ZNF561: variants seen among roughly 807,000 people sequenced by gnomAD.
The protein encoded by ZNF561 is zinc finger protein 561.
ZNF561 carries 16 observed loss-of-function variants against 16.7 expected under a neutral mutation model. The ratio of observed to expected loss-of-function variants is 0.96; its 90% confidence interval spans 0.65 to 1.45. ZNF561 has a LOEUF of 1.45. ZNF561 is among the 40% of genes most tolerant of loss of function. ZNF561 has a pLI of 0.00. For synonymous variants in ZNF561, 190 were observed against 192.1 expected (o/e 0.99, Z 0.09); for missense variants, 580 against 578.0 (o/e 1.00, Z -0.04).
At chr19:9,612,191 G>A (rs1482046281) in intron 5 of ZNF561, among the ~76,000 whole-genome samples, 2 of 151,868 alleles carry the variant, frequency 1.3e-5, no homozygotes, top group South Asian at 4.2e-4. Flanking sequence ...GCCTCCCAAA[G>A]TGCTGAGATT....
At chr19:9,619,906 T>TC (rs1159491045) in intron 1 of ZNF561, among the ~76,000 whole-genome samples, 18 of 144,194 alleles carry the variant, frequency 1.2e-4, no homozygotes, top group African/African-American at 3.6e-4. Flanking sequence ...TCTATATCTA[T>TC]CTATCTATAT....
intron 1 of ZNF561, among the ~76,000 whole-genome samples, chr19:9,620,131 C>T (rs755603694): frequency 2.0e-5 from 3 of 152,014 alleles, no homozygotes; most frequent in Admixed American, 6.6e-5. Context: ...ACTCTGTTGC[C>T]CAGGCTGGAA....
intron 5 of ZNF561, among the ~76,000 whole-genome samples, chr19:9,612,035 C>G (rs1371159884): frequency 2.0e-5 from 3 of 152,076 alleles, no homozygotes; most frequent in Non-Finnish European, 4.4e-5. Context: ...TCAAGTGATT[C>G]TCCTGCCTCA....
At chr19:9,617,933 G>A (rs1462256989) in intron 3 of ZNF561, 158 bp downstream of exon 3, 9 of 680,214 alleles carry the variant, frequency 1.3e-5, no homozygotes, top group Admixed American at 6.7e-5. Context: ...ATGTATAGGA[G>A]ACTTCATTCC....
rs2074417286 is a variant in ZNF561, at chr19:9,610,067, T to G, written c.*133A>C. The G allele has an allele frequency of 2.3e-5, 18 of 777,018 alleles. No individual in the cohort carries two copies. Among genetic ancestry groups the G allele is most frequent in the Non-Finnish European group, 3.6e-5 (18 of 502,290 alleles). 48.1% of individuals were successfully genotyped at this position (777,018 alleles called of 1,614,324 possible). The stretch of plus-strand genomic sequence containing the variant: ...ACCATGATGTTGTATTCAGAACCTG[T>G]AGGTTTAATTTCAGACCCTCAGGAT... On this transcript the variant is annotated 3_prime_UTR_variant, in exon 6 of 6. Coordinates refer to ENST00000302851, the MANE Select transcript of ZNF561 (RefSeq NM_152289.3).
chr19:9,619,849 A>G (rs142233881), intron 1 of ZNF561, among the ~76,000 whole-genome samples: 2 of 91,292 alleles, frequency 2.2e-5, no homozygotes, highest in East Asian at 3.9e-4. Flanking sequence ...CTATCTATCT[A>G]TATCTATCTA....
rs2074417318 is a variant in ZNF561, at chr19:9,610,074, A to G, written c.*126T>C. ...TGTTGTATTCAGAACCTGTAGGTTT[A>G]ATTTCAGACCCTCAGGATGGTATCT... is the stretch of plus-strand genomic sequence containing the variant. On this transcript the variant is annotated 3_prime_UTR_variant, in exon 6 of 6. Coordinates refer to ENST00000302851, the MANE Select transcript of ZNF561 (RefSeq NM_152289.3). 5 of 840,444 alleles carry G rather than the reference A, an allele frequency of 5.9e-6. No individual in the cohort carries two copies. The Admixed American group carries it at 1.2e-4, about 20-fold the overall frequency. 52.1% of individuals were successfully genotyped at this position (840,444 alleles called of 1,614,324 possible).
In ZNF561 at chr19:9,619,569, G is replaced by C. The variant is rs2074621731; in HGVS notation, c.-113C>G. Reference sequence around the variant, plus strand: ...GCAATCTCCATTCCTCTTTGTACAGGGTTATTTGCGGTCCTGTTCATATCA... The same window carrying C: ...GCAATCTCCATTCCTCTTTGTACAGCGTTATTTGCGGTCCTGTTCATATCA... On this transcript the variant is annotated 5_prime_UTR_variant, in exon 2 of 6. Transcript: ENST00000302851. 1 of 1,000,452 alleles carries C rather than the reference G, an allele frequency of 1.0e-6. No homozygotes were observed. The highest frequency in any genetic ancestry group is 1.5e-6 in the Non-Finnish European group (1 of 655,942). 62.0% of individuals were successfully genotyped at this position (1,000,452 alleles called of 1,614,324 possible).
At position 9,610,535 on chromosome 19, in the gene ZNF561, T is replaced by C. The variant is rs150855479; in HGVS notation, c.1126A>G (p.Thr376Ala). Residue 376 changes from threonine (T) to alanine (A), a missense_variant, in exon 6 of 6, where the codon ACA becomes GCA. Transcript: ENST00000302851. ...QCKECGKAFT[T>A]STSLIQHTRI... is the part of the protein sequence containing the mutation. The stretch of plus-strand genomic sequence containing the variant: ...GTATGCTGAATAAGACTTGTGGATG[T>C]AGTGAAGGCTTTCCCACATTCCTTA... 103 of 1,614,010 alleles carry C rather than the reference T, an allele frequency of 6.4e-5. No individual in the cohort carries two copies. The highest frequency in any genetic ancestry group is 8.6e-5 in the Non-Finnish European group (101 of 1,179,864).
rs2074565536 is a variant in ZNF561 at position 9,616,951 on chromosome 19, T to G, written c.241+94A>C. On this transcript the variant is annotated intron_variant, in intron 4 of 5. Coordinates refer to ENST00000302851, the MANE Select transcript of ZNF561 (RefSeq NM_152289.3). ...AATGTTGCCCATGCTAGTATCAAAC[T>G]CCCAGGCTCCAGCGATTCTCCCACC... 8 of 1,466,400 alleles carry G rather than the reference T, an allele frequency of 5.5e-6. No homozygotes were observed. In the Admixed American group the frequency reaches 1.8e-4, roughly 33 times the overall value. The allele number at this position is 1,466,400 out of a possible 1,614,324, so 90.8% of individuals were successfully genotyped here.
chr19:9,610,255 C>A lies in ZNF561; in HGVS notation c.1406G>T (p.Arg469Ile). The change falls in exon 6 of 6, where the codon AGA becomes ATA. Residue 469 changes from arginine (R) to isoleucine (I), a missense_variant. By Grantham distance (97) the Arg-to-Ile change is moderately conservative. Transcript: ENST00000302851. The part of the protein sequence containing the change: ...AVSSRLSRHE[R>I]IHTGEKPYEC... ...ATAGGGTTTCTCCCCAGTGTGAATT[C>A]TTTCATGTCTACTTAGGCGTGAGGA... The A allele has an allele frequency of 1.2e-6, 2 of 1,613,000 alleles. No individual in the cohort carries two copies. Among genetic ancestry groups the A allele is most frequent in the South Asian group, 1.1e-5 (1 of 90,998 alleles).
intron 3 of ZNF561, 57 bp downstream of exon 3, chr19:9,618,034 T>C (rs1030549216): frequency 1.4e-6 from 2 of 1,469,572 alleles, no homozygotes; most frequent in South Asian, 2.4e-5. Context: ...GAAAGAAATC[T>C]GTCTACCTAT....
In ZNF561 at chr19:9,611,014, A is replaced by G. The variant is rs1316589973; in HGVS notation, c.647T>C (p.Met216Thr). 2 of 1,614,196 alleles carry G rather than the reference A, an allele frequency of 1.2e-6. No individual in the cohort carries two copies. The highest frequency in any genetic ancestry group is 2.2e-5 in the South Asian group (2 of 91,086). Reference protein sequence around the residue: ...FKYFASLDNHMGIHTDEKLCE... With the variant: ...FKYFASLDNHTGIHTDEKLCE... ...GAGTTTCTCATCAGTGTGGATTCCCATATGATTATCAAGGCTTGCAAAATA... is the reference window on the plus strand; with the variant it reads ...GAGTTTCTCATCAGTGTGGATTCCCGTATGATTATCAAGGCTTGCAAAATA... Residue 216 changes from methionine (M) to threonine (T), a missense_variant, in exon 6 of 6, where the codon ATG (methionine) becomes ACG (threonine). Physicochemically the swap from Met to Thr is moderately conservative, Grantham distance 81. Coordinates refer to ENST00000302851, the MANE Select transcript of ZNF561 (RefSeq NM_152289.3).
chr19:9,619,948 A>T (rs1356719457), intron 1 of ZNF561, among the ~76,000 whole-genome samples: 1 of 151,518 alleles, frequency 6.6e-6, no homozygotes, highest in Non-Finnish European at 1.5e-5. Flanking sequence ...CTATCTATCG[A>T]GACAGGGTCT....
At chr19:9,611,386 G>T (rs749020894) in intron 5 of ZNF561, 50 bp from the exon 6 acceptor site, 1 of 1,535,566 alleles carries the variant, frequency 6.5e-7, no homozygotes, top group Non-Finnish European at 8.8e-7. Flanking sequence ...CATATTAAGA[G>T]ATTTCACCCA....
chr19:9,618,630 G>A (rs191034345), intron 2 of ZNF561, among the ~76,000 whole-genome samples: 1 of 152,226 alleles, frequency 6.6e-6, no homozygotes, highest in East Asian at 1.9e-4. Flanking sequence ...GGAGGCTGAG[G>A]CAGGAGAATG....
Position 9,610,235 on chromosome 19 carries a change from G to C in ZNF561, c.1426C>G (p.Pro476Ala), listed in dbSNP as rs2074420496. The C allele has an allele frequency of 6.2e-7, 1 of 1,610,176 alleles. No homozygotes were observed. Among genetic ancestry groups the C allele is most frequent in the African/African-American group, 1.3e-5 (1 of 74,824 alleles). Reference sequence around the variant, plus strand: ...ACACTCATATCCTTGCATTCATAGGGTTTCTCCCCAGTGTGAATTCTTTCA... The same window carrying C: ...ACACTCATATCCTTGCATTCATAGGCTTTCTCCCCAGTGTGAATTCTTTCA... ...RHERIHTGEK[P>A]YECKDMSVTI is the part of the protein sequence containing the mutation. The change falls in exon 6 of 6, where the codon CCC (proline) becomes GCC (alanine). Residue 476 changes from proline (P) to alanine (A), a missense_variant. Physicochemically the swap from Pro to Ala is conservative, Grantham distance 27. Transcript: ENST00000302851.
chr19:9,611,597 C>G (rs2074459887), intron 5 of ZNF561, among the ~76,000 whole-genome samples: 1 of 151,754 alleles, frequency 6.6e-6, no homozygotes, highest in Admixed American at 6.6e-5. Context: ...CAGGTGTGCA[C>G]CACTGCACCT....
intron 4 of ZNF561, among the ~76,000 whole-genome samples, chr19:9,615,516 G>T (rs1258413421): frequency 2.0e-5 from 3 of 152,016 alleles, no homozygotes; most frequent in Non-Finnish European, 4.4e-5. Context: ...AGAATCACCT[G>T]AACCTGGGAG....
Sources: gnomAD v4.1 joint callset for allele counts (sites outside exome capture counted in the v4.1 genomes callset) on GRCh38, gnomAD v4.1.1 for gene constraint, MANE v1.5 for transcripts, NCBI Gene and HGNC (gene_info 2026-07-23, HGNC 2026-07-21) for gene names.